DNAH7: variants seen among roughly 807,000 people sequenced by gnomAD.
The protein encoded by DNAH7 is axonemal beta dynein heavy chain 7.
DNAH7 carries 397 observed loss-of-function variants against 444.6 expected under a neutral mutation model. The ratio of observed to expected loss-of-function variants is 0.89; its 90% CI spans 0.82 to 0.97. DNAH7 has a LOEUF of 0.97. Ranked by LOEUF, DNAH7 falls within the 50% of genes least tolerant of loss-of-function variation. The probability of loss-of-function intolerance (pLI) is 0.00; values close to 1 mark genes in which losing one functional copy is unlikely to be tolerated. For missense variants in DNAH7, 4,902 were observed against 4,800.8 expected (o/e 1.02, Z -0.62); for synonymous variants, 1,636 against 1,624.4 (o/e 1.01, Z -0.17).
chr2:195,837,303 A>G (rs1361004172), intron 47 of DNAH7, among the ~76,000 whole-genome samples: 1 of 152,214 alleles, frequency 6.6e-6, no homozygotes, highest in Non-Finnish European at 1.5e-5. Context: ...AATAAGCAGC[A>G]TTTCAAAACC....
chr2:196,013,097 G>A (rs1694815560), intron 9 of DNAH7, among the ~76,000 whole-genome samples, 191 bp from the exon 10 acceptor site: 1 of 151,960 alleles, frequency 6.6e-6, no homozygotes, highest in Non-Finnish European at 1.5e-5. Flanking sequence ...AAATTCAATA[G>A]GAACACAACA....
chr2:195,923,949 T>G, intron 22 of DNAH7, 142 bp from the exon 23 acceptor site: 1 of 825,058 alleles, frequency 1.2e-6, no homozygotes, highest in Non-Finnish European at 1.9e-6. Flanking sequence ...AAATAATTTG[T>G]TTTTCTGACT....
At chr2:195,874,392 G>A (rs1267008936) in intron 38 of DNAH7, among the ~76,000 whole-genome samples, 1 of 152,170 alleles carries the variant, frequency 6.6e-6, no homozygotes, top group Non-Finnish European at 1.5e-5. Flanking sequence ...AACCCTTCCA[G>A]AGAATGTTCA....
At chr2:195,797,691 G>T (rs1185373859) in intron 55 of DNAH7, among the ~76,000 whole-genome samples, 4 of 152,130 alleles carry the variant, frequency 2.6e-5, no homozygotes, top group African/African-American at 9.7e-5. Flanking sequence ...CTTACTAGGG[G>T]CCTCCTTCTA....
rs1298797224 is a variant in DNAH7, at chr2:196,001,800, T to C, written c.1048A>G (p.Thr350Ala). The C allele has an allele frequency of 4.3e-6, 7 of 1,612,896 alleles. No individual in the cohort carries two copies. The highest frequency in any genetic ancestry group is 5.9e-6 in the Non-Finnish European group (7 of 1,179,570). The change falls in exon 11 of 65, where the codon ACT becomes GCT. Residue 350 changes from threonine to alanine, a missense_variant. Thr to Ala is a moderately conservative substitution (Grantham distance 58). Coordinates refer to ENST00000312428, the MANE Select transcript of DNAH7 (RefSeq NM_018897.3). ...TCCAATTTGGCACTGCTGTCACCAGTTGGCAATTGCTTTTTTTTATTACCT... is the reference window on the plus strand; with the variant it reads ...TCCAATTTGGCACTGCTGTCACCAGCTGGCAATTGCTTTTTTTTATTACCT... ...YQGNKKKQLP[T>A]GDSSAKLESF...
chr2:195,756,112 C>T (rs918733165), intron 62 of DNAH7, 21 bp downstream of exon 62: 9 of 1,582,694 alleles, frequency 5.7e-6, no homozygotes, highest in Middle Eastern at 1.7e-4. Flanking sequence ...TAACAATATA[C>T]GATCATTTAG....
At chr2:195,963,458 A>G (rs1423692900) in intron 17 of DNAH7, among the ~76,000 whole-genome samples, 2 of 152,186 alleles carry the variant, frequency 1.3e-5, no homozygotes, top group African/African-American at 4.8e-5. Context: ...AATTCAGGTT[A>G]TTAGAGATTT....
At chr2:195,856,969 A>C (rs1699749757) in intron 44 of DNAH7, among the ~76,000 whole-genome samples, 1 of 152,194 alleles carries the variant, frequency 6.6e-6, no homozygotes, top group Non-Finnish European at 1.5e-5. Context: ...TCTTCTCATC[A>C]GTATTTTTTT....
chr2:196,066,519 TG>T (rs1443274066), intron 1 of DNAH7, among the ~76,000 whole-genome samples: 1 of 152,214 alleles, frequency 6.6e-6, no homozygotes, highest in Non-Finnish European at 1.5e-5. Context: ...AGTATATCTG[TG>T]GGGAGCTTCC....
intron 43 of DNAH7, 136 bp downstream of exon 43, chr2:195,858,338 C>T (rs1699829540): frequency 1.3e-6 from 1 of 775,280 alleles, no homozygotes. Context: ...AATTCTTTTG[C>T]CAATTTCAAA....
chr2:195,828,495 A>C (rs945142500), intron 48 of DNAH7, among the ~76,000 whole-genome samples: 20 of 151,908 alleles, frequency 1.3e-4, no homozygotes, highest in African/African-American at 4.6e-4. Context: ...TGAGGCAGGA[A>C]AACAGCGTGA....
chr2:195,959,668 C>G (rs1690942803), intron 18 of DNAH7, among the ~76,000 whole-genome samples: 1 of 152,150 alleles, frequency 6.6e-6, no homozygotes, highest in Non-Finnish European at 1.5e-5. Flanking sequence ...TAATATATAG[C>G]CTGCCTAATG....
intron 63 of DNAH7, among the ~76,000 whole-genome samples, chr2:195,748,896 A>T (rs1173698943): frequency 1.8e-4 from 27 of 152,242 alleles, no homozygotes; most frequent in Non-Finnish European, 3.5e-4. Flanking sequence ...GAAGAAAACC[A>T]AGGCATTACC....
At chr2:195,769,745 C>T (rs1465924334) in intron 61 of DNAH7, among the ~76,000 whole-genome samples, 1 of 152,040 alleles carries the variant, frequency 6.6e-6, no homozygotes, top group African/African-American at 2.4e-5. Flanking sequence ...GTTTTTCAGC[C>T]TTTGTGGATA....
At chr2:195,893,268 TCTGTCACC>T (rs956298036) in intron 30 of DNAH7, 1 of 152,182 alleles carries the variant, frequency 6.6e-6, no homozygotes, top group Non-Finnish European at 1.5e-5. Context: ...ATCTTCTCAC[TCTGTCACC>T]CAGGCTGGAG....
intron 15 of DNAH7, among the ~76,000 whole-genome samples, chr2:195,973,107 T>C (rs1691958021): frequency 6.6e-6 from 1 of 152,088 alleles, no homozygotes; most frequent in African/African-American, 2.4e-5. Flanking sequence ...ATGGGCCCAG[T>C]GGCAAGAAGG....
intron 17 of DNAH7, among the ~76,000 whole-genome samples, chr2:195,963,184 T>C (rs1691227990): frequency 6.6e-6 from 1 of 152,216 alleles, no homozygotes; most frequent in East Asian, 1.9e-4. Context: ...TTAAGGAAGC[T>C]GCAAACTGTT....
Position 195,809,774 on chromosome 2 carries a change from T to A in DNAH7, c.9859A>T (p.Thr3287Ser). 6.3e-7 allele frequency: 1 copy of A among 1,598,180 alleles called. No homozygotes were observed. Among genetic ancestry groups the A allele is most frequent in the Non-Finnish European group, 8.5e-7 (1 of 1,171,740 alleles). Residue 3287 changes from threonine (T) to serine (S), a missense_variant, in exon 52 of 65, where the codon ACC becomes TCC. Coordinates refer to ENST00000312428, the MANE Select transcript of DNAH7 (RefSeq NM_018897.3). ...CGCTCATGCAGCAGTAGATTTATGG[T>A]TAGACAAAAGGAAAAGAGCAGCTTA... ...KDKLLFSFCL[T>S]INLLLHERAI...
chr2:195,954,174 CCA>C (rs1476554870), intron 19 of DNAH7, among the ~76,000 whole-genome samples: 2,166 of 152,222 alleles, frequency 0.014, 58 homozygotes, highest in African/African-American at 0.049. Context: ...CTATCCCTCC[CCA>C]CTCTCCCCAC....
Sources: gnomAD v4.1 joint callset for allele counts (sites outside exome capture counted in the v4.1 genomes callset) on GRCh38, gnomAD v4.1.1 for gene constraint, MANE v1.5 for transcripts, NCBI Gene and HGNC (gene_info 2026-07-23, HGNC 2026-07-21) for gene names.